The following VWDE variants were observed in gnomAD, a reference collection of about 807,000 sequenced individuals.
VWDE encodes the protein von Willebrand factor D and EGF domain-containing protein.
VWDE carries 207 observed loss-of-function variants against 178.4 expected under a neutral mutation model. The observed-to-expected ratio is 1.16, with a 90% CI of 1.04 to 1.30. The LOEUF is 1.30. Ranked by LOEUF, VWDE falls within the 50% of genes most tolerant of loss-of-function variation. The probability of loss-of-function intolerance (pLI) is 0.00; values close to 1 mark genes in which losing one functional copy is unlikely to be tolerated. For missense variants in VWDE, 2,287 were observed against 1,901.3 expected (o/e 1.20, Z -3.77); for synonymous variants, 738 against 651.4 (o/e 1.13, Z -2.02).
Position 12,336,236 on chromosome 7 carries a change from G to C in VWDE, c.4559C>G (p.Pro1520Arg), listed in dbSNP as rs1583269264. 1 of 1,550,468 alleles carries C rather than the reference G, an allele frequency of 6.4e-7. No homozygotes were observed. Among genetic ancestry groups the C allele is most frequent in the Non-Finnish European group, 8.7e-7 (1 of 1,146,454 alleles). Residue 1520 changes from proline (P) to arginine (R), a missense_variant and splice_region_variant, in exon 27 of 29, where the codon CCT becomes CGT. Coordinates refer to ENST00000275358, the MANE Select transcript of VWDE (RefSeq NM_001135924.3). Reference protein sequence around the residue: ...SGWSGKRCNTPICLQKCKNGG... With the variant: ...SGWSGKRCNTRICLQKCKNGG... Reference sequence around the variant, plus strand: ...GTTTTTACATTTCTGCAAGCAGATAGCTGCCAATCGAAATATAAACAAGTT... The same window carrying C: ...GTTTTTACATTTCTGCAAGCAGATACCTGCCAATCGAAATATAAACAAGTT...
chr7:12,389,463 A>G, intron 2 of VWDE, 105 bp from the exon 3 acceptor site: 1 of 817,686 alleles, frequency 1.2e-6, no homozygotes, highest in Non-Finnish European at 1.9e-6. Context: ...AATATCATTA[A>G]TCATTAAAAA....
chr7:12,389,199 C>A lies in VWDE; in HGVS notation c.403G>T (p.Val135Leu), dbSNP rs1217985830. The A allele has an allele frequency of 1.3e-6, 2 of 1,551,708 alleles. No individual in the cohort carries two copies. The highest frequency in any genetic ancestry group is 1.4e-5 in the African/African-American group (1 of 73,044). ...ACAGAAAAGTTCCCACAGTTTCTTA[C>A]AGACACTGGGATTTGAAAGAGACAG... ...DCCLFQIPVS[V>L]RNCGNFSVYL... is the part of the protein sequence containing the mutation. Residue 135 changes from valine to leucine, a missense_variant, in exon 3 of 29, where the codon GTA becomes TTA. Val to Leu is a conservative substitution (Grantham distance 32). Transcript: ENST00000275358.
chr7:12,370,184 C>A lies in VWDE; in HGVS notation c.2122G>T (p.Gly708Cys). 6.4e-7 allele frequency: 1 copy of A among 1,551,198 alleles called. No homozygotes were observed. Among genetic ancestry groups the A allele is most frequent in the Non-Finnish European group, 8.7e-7 (1 of 1,146,824 alleles). Residue 708 changes from glycine (G) to cysteine (C), a missense_variant, in exon 12 of 29, where the codon GGC becomes TGC. By Grantham distance (159) the Gly-to-Cys change is radical. Coordinates refer to ENST00000275358, the MANE Select transcript of VWDE (RefSeq NM_001135924.3). ...EKKHINLTKL[G>C]LNVQKHPGNE... Reference sequence around the variant, plus strand: ...CCAGGATGTTTTTGTACATTTAAGCCGAGTTTAGTCAGGTTTATGTGTTTT... The same window carrying A: ...CCAGGATGTTTTTGTACATTTAAGCAGAGTTTAGTCAGGTTTATGTGTTTT...
rs1025905493 is a variant in VWDE at position 12,336,193 on chromosome 7, C to T, written c.4602G>A (p.Ala1534=). 19 of 1,551,264 alleles carry T rather than the reference C, an allele frequency of 1.2e-5. No individual in the cohort carries two copies. The highest frequency in any genetic ancestry group is 1.7e-4 in the Middle Eastern group (1 of 5,990). Residue 1534 remains alanine, a synonymous_variant, in exon 27 of 29, where the codon GCG becomes GCA. Transcript: ENST00000275358. ...QKCKNGGECI[A]PSICHCPSSW... ...AGGAAGGACAATGGCATATGCTGGG[C>T]GCAATGCATTCACCACCGTTTTTAC...
chr7:12,385,715 A>C (rs1784065141), intron 3 of VWDE, among the ~76,000 whole-genome samples: 1 of 152,202 alleles, frequency 6.6e-6, no homozygotes, highest in South Asian at 2.1e-4. Context: ...AGTCTAATTT[A>C]AGTTCTAAAC....
intron 27 of VWDE, 93 bp downstream of exon 27, chr7:12,336,048 C>T (rs78646430): frequency 9.1e-6 from 9 of 991,192 alleles, no homozygotes; most frequent in African/African-American, 5.8e-5. Flanking sequence ...GGAGTTTTTT[C>T]CCCCTTATGG....
intron 1 of VWDE, 113 bp downstream of exon 1, chr7:12,403,545 TG>T: frequency 4.0e-6 from 4 of 989,224 alleles, no homozygotes; most frequent in Non-Finnish European, 5.7e-6. Context: ...CATCGCTTGC[TG>T]CCTTAAAACG....
chr7:12,368,459 G>T (rs1337692789), intron 12 of VWDE, among the ~76,000 whole-genome samples: 1 of 151,976 alleles, frequency 6.6e-6, no homozygotes, highest in African/African-American at 2.4e-5. Flanking sequence ...GAATCCTCCG[G>T]TGAGAGGGAG....
intron 19 of VWDE, among the ~76,000 whole-genome samples, chr7:12,347,395 G>A (rs1023728226): frequency 2.6e-5 from 4 of 152,074 alleles, no homozygotes; most frequent in Non-Finnish European, 4.4e-5. Flanking sequence ...GAAATGTAAT[G>A]ATTCAATGTT....
Position 12,343,147 on chromosome 7 carries a change from GCCA to G in VWDE, c.4107_4109del (p.Gly1370del), listed in dbSNP as rs1401441663. On this transcript the variant is annotated inframe_deletion, in exon 22 of 29. Coordinates refer to ENST00000275358, the MANE Select transcript of VWDE (RefSeq NM_001135924.3). ...TGCAGAGATTCCCAGCCAAGCATGT[GCCA>G]CCATGTTGACAAGGTGGGTTACAAT... The G allele has an allele frequency of 1.9e-6, 3 of 1,549,660 alleles. No individual in the cohort carries two copies. The East Asian group carries it at 7.3e-5, about 38-fold the overall frequency.
intron 4 of VWDE, 67 bp from the exon 5 acceptor site, chr7:12,380,800 C>T: frequency 6.6e-7 from 1 of 1,504,904 alleles, no homozygotes; most frequent in Non-Finnish European, 8.9e-7. Context: ...ATGGAAAAAG[C>T]ACTCAAAGAC....
intron 15 of VWDE, among the ~76,000 whole-genome samples, chr7:12,359,901 G>C (rs771779947): frequency 6.6e-6 from 1 of 151,972 alleles, no homozygotes; most frequent in African/African-American, 2.4e-5. Context: ...GGTAATAAAA[G>C]TACACATAAG....
rs111844957 is a variant in VWDE at position 12,335,879 on chromosome 7, G to A, written c.4654+262C>T. On this transcript the variant is annotated intron_variant, in intron 27 of 28. Coordinates refer to ENST00000275358, the MANE Select transcript of VWDE (RefSeq NM_001135924.3). ...ATCAATACCTTCTTTGGCCCACCTG[G>A]GGAAACTTTATTGGTAATCCACAGA... Among the ~76,000 whole-genome samples the A allele has an allele frequency of 1.0e-2, 1,520 of 152,084 alleles. 36 individuals are homozygous for A. The highest frequency in any genetic ancestry group is 0.035 in the African/African-American group (1,462 of 41,486).
chr7:12,365,193 A>C (rs1782794199), intron 13 of VWDE, among the ~76,000 whole-genome samples: 1 of 152,120 alleles, frequency 6.6e-6, no homozygotes, highest in South Asian at 2.1e-4. Context: ...TAGATCCTGA[A>C]TCAGGAAAAG....
intron 24 of VWDE, among the ~76,000 whole-genome samples, 157 bp from the exon 25 acceptor site, chr7:12,337,429 G>T (rs1403092154): frequency 6.6e-6 from 1 of 152,186 alleles, no homozygotes; most frequent in Non-Finnish European, 1.5e-5. Flanking sequence ...TCTAAATCAT[G>T]AAATGCAATG....
intron 13 of VWDE, among the ~76,000 whole-genome samples, chr7:12,365,244 G>C (rs1456814699): frequency 6.6e-6 from 1 of 151,794 alleles, no homozygotes; most frequent in African/African-American, 2.4e-5. Context: ...TACAGAACAA[G>C]GTCTGTAAAT....
At chr7:12,390,228 T>C (rs1173142767) in intron 2 of VWDE, among the ~76,000 whole-genome samples, 3 of 151,484 alleles carry the variant, frequency 2.0e-5, no homozygotes, top group East Asian at 3.9e-4. Context: ...CAAAATCCTT[T>C]TCAGATAAAA....
Position 12,393,751 on chromosome 7 carries a change from T to G in VWDE, c.86A>C (p.Gln29Pro), listed in dbSNP as rs1388298326. 6.4e-7 allele frequency: 1 copy of G among 1,550,652 alleles called. No homozygotes were observed. The highest frequency in any genetic ancestry group is 1.4e-5 in the African/African-American group (1 of 73,082). The change falls in exon 2 of 29, where the codon CAG (glutamine) becomes CCG (proline). Residue 29 changes from glutamine (Q) to proline (P), a missense_variant. By Grantham distance (76) the Gln-to-Pro change is moderately conservative. Transcript: ENST00000275358. ...ACTTCTATAAGGACTCCGAAGAAAC[T>G]GGTGTCCCCCAGGAGAGCACTCCTG... Reference protein sequence around the residue: ...EAQECSPGGHQFLRSPYRSVR... With the variant: ...EAQECSPGGHPFLRSPYRSVR...
chr7:12,366,663 C>T (rs1003453962), intron 13 of VWDE, among the ~76,000 whole-genome samples: 1 of 152,052 alleles, frequency 6.6e-6, no homozygotes, highest in Admixed American at 6.6e-5. Flanking sequence ...CTCAGAATCA[C>T]ATTTGGCTTC....
Sources: allele counts gnomAD v4.1 joint callset (sites outside exome capture counted in the v4.1 genomes callset), GRCh38; gene constraint gnomAD v4.1.1; transcripts MANE v1.5; gene names NCBI Gene and HGNC (gene_info 2026-07-23, HGNC 2026-07-21).